The following FARP1 variants were observed in gnomAD, a reference collection of about 807,000 sequenced individuals.
FARP1 encodes FERM, ARHGEF and pleckstrin domain-containing protein 1.
FARP1 carries 52 observed loss-of-function variants against 128.8 expected under a neutral mutation model. The observed-to-expected ratio is 0.40, with a 90% CI of 0.32 to 0.51. The LOEUF is 0.51. Among genes scored for constraint, FARP1 ranks in the 20% least tolerant of loss-of-function variants. The probability of loss-of-function intolerance (pLI) is 0.45; values close to 1 mark genes in which losing one functional copy is unlikely to be tolerated. For synonymous variants in FARP1, 580 were observed against 551.8 expected, an observed-to-expected ratio of 1.05 and a Z score of -0.72; for missense variants, 1,333 against 1,367.9, an observed-to-expected ratio of 0.97 and a Z score of 0.40.
At chr13:98,390,949 G>A (rs1890282955) in intron 11 of FARP1, 69 bp downstream of exon 11, 4 of 1,068,830 alleles carry the variant, frequency 3.7e-6, no homozygotes, top group Non-Finnish European at 5.8e-6. Flanking sequence ...GTTTGTTGCT[G>A]CTAAATATTT....
chr13:98,410,117 G>A (rs1348759300), intron 14 of FARP1, among the ~76,000 whole-genome samples: 7 of 152,226 alleles, frequency 4.6e-5, no homozygotes, highest in African/African-American at 1.7e-4. Flanking sequence ...GTGGAGTCAG[G>A]TGGACTCCTA....
chr13:98,412,842 T>C (rs1261334131), intron 16 of FARP1, among the ~76,000 whole-genome samples: 27 of 152,256 alleles, frequency 1.8e-4, no homozygotes, highest in Admixed American at 1.8e-3. Context: ...GAGTTGATTG[T>C]CTACTAAACA....
chr13:98,279,985 C>A (rs1884854069), intron 2 of FARP1, among the ~76,000 whole-genome samples: 1 of 152,104 alleles, frequency 6.6e-6, no homozygotes. Context: ...CTCTCCCTTG[C>A]TCCTGGCTCC....
At chr13:98,231,479 C>G (rs1882111935) in intron 2 of FARP1, among the ~76,000 whole-genome samples, 1 of 152,018 alleles carries the variant, frequency 6.6e-6, no homozygotes, top group Non-Finnish European at 1.5e-5. Flanking sequence ...GCTCTACTGC[C>G]CAAGCTGGAG....
At chr13:98,339,532 T>C (rs184852163) in intron 2 of FARP1, among the ~76,000 whole-genome samples, 10 of 152,270 alleles carry the variant, frequency 6.6e-5, no homozygotes, top group Admixed American at 5.9e-4. Context: ...CCCATGCCAT[T>C]GTCATGTAGT....
intron 2 of FARP1, among the ~76,000 whole-genome samples, chr13:98,292,462 T>C (rs1231006390): frequency 6.6e-6 from 1 of 152,196 alleles, no homozygotes; most frequent in Admixed American, 6.5e-5. Context: ...TAATAATAAA[T>C]GTAGTATCTC....
At chr13:98,315,569 C>T (rs985694755) in intron 2 of FARP1, among the ~76,000 whole-genome samples, 4 of 152,224 alleles carry the variant, frequency 2.6e-5, no homozygotes, top group Admixed American at 6.5e-5. Context: ...GGTGGCCTTT[C>T]ATGAAAGTGC....
chr13:98,170,099 CTCT>C (rs1247834482), intron 1 of FARP1, among the ~76,000 whole-genome samples: 11 of 152,124 alleles, frequency 7.2e-5, no homozygotes, highest in Non-Finnish European at 1.6e-4. Flanking sequence ...TCCATAGCAA[CTCT>C]TCTTGTATTT....
At chr13:98,143,796 TC>T (rs1164177260) in intron 1 of FARP1, among the ~76,000 whole-genome samples, 1 of 150,484 alleles carries the variant, frequency 6.6e-6, no homozygotes, top group African/African-American at 2.4e-5. Flanking sequence ...CCCGCTCGCC[TC>T]CCCCGACCCC....
intron 2 of FARP1, among the ~76,000 whole-genome samples, chr13:98,305,299 T>C (rs1019907591): frequency 2.0e-5 from 3 of 151,836 alleles, no homozygotes; most frequent in Non-Finnish European, 4.4e-5. Context: ...CCTCGCACTT[T>C]CAATGCCATG....
chr13:98,295,080 CACACACACACACACACACACACACAT>C (rs780712604), intron 2 of FARP1, among the ~76,000 whole-genome samples: 7,265 of 101,560 alleles, frequency 0.072, 314 homozygotes, highest in Middle Eastern at 0.18. Flanking sequence ...CACACACACA[CACACACACACACACACACACACACAT>C]ATATCCCCAG....
At chr13:98,142,849 C>T (rs1211470970), upstream of FARP1, 1 of 152,082 alleles carries the variant, frequency 6.6e-6, no homozygotes, top group Non-Finnish European at 1.5e-5. Flanking sequence ...TAGGTAGCGC[C>T]GCGCGGAGCC....
At chr13:98,204,793 A>T (rs1010374085) in intron 1 of FARP1, among the ~76,000 whole-genome samples, 5 of 152,180 alleles carry the variant, frequency 3.3e-5, no homozygotes, top group Non-Finnish European at 7.3e-5. Flanking sequence ...GACTTTGTGC[A>T]TACTAACTGG....
intron 24 of FARP1, among the ~76,000 whole-genome samples, chr13:98,443,474 C>T (rs1892614220): frequency 6.6e-6 from 1 of 152,250 alleles, no homozygotes; most frequent in Admixed American, 6.5e-5. Flanking sequence ...CCCAGGGCCT[C>T]CTCCCTGCAT....
chr13:98,351,781 CCA>C (rs1338250397), intron 3 of FARP1, among the ~76,000 whole-genome samples: 4 of 151,806 alleles, frequency 2.6e-5, no homozygotes, highest in African/African-American at 9.7e-5. Flanking sequence ...TGGGGAGGCA[CCA>C]CACACAAACA....
chr13:98,259,095 C>T (rs1431881582), intron 2 of FARP1, among the ~76,000 whole-genome samples: 1 of 152,062 alleles, frequency 6.6e-6, no homozygotes, highest in African/African-American at 2.4e-5. Flanking sequence ...CCTATAAACA[C>T]AGCTACTCCA....
intron 5 of FARP1, among the ~76,000 whole-genome samples, chr13:98,375,690 G>A (rs1889550071): frequency 1.3e-5 from 2 of 152,210 alleles, no homozygotes; most frequent in East Asian, 1.9e-4. Flanking sequence ...GTGCAGTGGT[G>A]CAATCTCGGC....
chr13:98,143,128 T>C lies in FARP1; in HGVS notation c.-388T>C, dbSNP rs1875173366. On this transcript the variant is annotated 5_prime_UTR_variant, in exon 1 of 27. Coordinates refer to ENST00000319562, the MANE Select transcript of FARP1 (RefSeq NM_005766.4). ...GCTCGCCGGCCTCAGAGGCGGCGGG[T>C]CCGGCGCGGGCGCAGCGGTGCGGGC... 6.8e-6 allele frequency: 1 copy of C among 147,086 alleles called. No homozygotes were observed. Among genetic ancestry groups the C allele is most frequent in the African/African-American group, 2.4e-5 (1 of 40,844 alleles). 9.1% of individuals were successfully genotyped at this position (147,086 alleles called of 1,614,324 possible). A position where few individuals can be genotyped will look rare whatever the true frequency, so the allele number is the denominator to read the frequency against.
intron 17 of FARP1, among the ~76,000 whole-genome samples, chr13:98,430,389 C>G (rs977094619): frequency 5.3e-5 from 8 of 152,232 alleles, no homozygotes; most frequent in African/African-American, 1.7e-4. Flanking sequence ...CTGCTCTCCC[C>G]CTATCTGCCT....
Sources: gnomAD v4.1 joint callset for allele counts (sites outside exome capture counted in the v4.1 genomes callset) on GRCh38, gnomAD v4.1.1 for gene constraint, MANE v1.5 for transcripts, NCBI Gene and HGNC (gene_info 2026-07-23, HGNC 2026-07-21) for gene names.